ERBB4: variants seen among roughly 807,000 people sequenced by gnomAD.
The protein encoded by ERBB4 is receptor tyrosine-protein kinase erbB-4.
ERBB4 carries 42 observed loss-of-function variants against 158.0 expected under a neutral mutation model. That is an observed-to-expected ratio of 0.27 (90% CI 0.21 to 0.34). The LOEUF is 0.34. ERBB4 is among the 10% of genes least tolerant of loss of function. The pLI, the probability that ERBB4 is intolerant of heterozygous loss-of-function variation, is 1.00. For missense variants in ERBB4, 1,333 were observed against 1,624.1 expected (o/e 0.82, Z 3.08); for synonymous variants, 583 against 558.7 (o/e 1.04, Z -0.61).
Position 211,777,549 on chromosome 2 carries a change from A to G in ERBB4, c.556+10476T>C, listed in dbSNP as rs796936615. The G allele has an allele frequency of 1.1e-4, 17 of 152,228 alleles. 2 individuals are homozygous for G. The highest frequency in any genetic ancestry group is 4.1e-4 in the African/African-American group (17 of 41,520). 9.4% of individuals were successfully genotyped at this position (152,228 alleles called of 1,614,324 possible). On this transcript the variant is annotated intron_variant, in intron 4 of 27. Transcript: ENST00000342788. ...AGAAATTAGCATGGTTGACACCTATAATTCCACTAATTCTACTATCCCTAC... is the reference window on the plus strand; with the variant it reads ...AGAAATTAGCATGGTTGACACCTATGATTCCACTAATTCTACTATCCCTAC...
At chr2:211,705,223 A>T (rs2073393292) in intron 10 of ERBB4, 95 bp downstream of exon 10, 1 of 862,792 alleles carries the variant, frequency 1.2e-6, no homozygotes, top group African/African-American at 1.7e-5. Flanking sequence ...AAGTGCTGGG[A>T]TTACTGGTGT....
intron 19 of ERBB4, among the ~76,000 whole-genome samples, chr2:211,578,219 T>C (rs2067952188): frequency 6.6e-6 from 1 of 151,874 alleles, no homozygotes; most frequent in African/African-American, 2.4e-5. Context: ...ACAAACAGAA[T>C]AAAATATGTA....
intron 1 of ERBB4, among the ~76,000 whole-genome samples, chr2:212,420,926 T>C (rs1280346160): frequency 6.6e-6 from 1 of 152,150 alleles, no homozygotes; most frequent in Non-Finnish European, 1.5e-5. Flanking sequence ...ATTGTATTGA[T>C]AATGTTTTTG....
intron 2 of ERBB4, among the ~76,000 whole-genome samples, chr2:211,980,619 T>C (rs2081764011): frequency 6.6e-6 from 1 of 152,206 alleles, no homozygotes; most frequent in South Asian, 2.1e-4. Flanking sequence ...TTGTTATTTG[T>C]ACATTTTATA....
intron 14 of ERBB4, among the ~76,000 whole-genome samples, chr2:211,666,865 G>C (rs1217407491): frequency 6.6e-6 from 1 of 152,148 alleles, no homozygotes; most frequent in Non-Finnish European, 1.5e-5. Context: ...TAAGCATACA[G>C]AGAGACAATT....
At chr2:211,434,634 G>C (rs2063812555) in intron 20 of ERBB4, among the ~76,000 whole-genome samples, 1 of 152,136 alleles carries the variant, frequency 6.6e-6, no homozygotes, top group African/African-American at 2.4e-5. Flanking sequence ...AACTCTGAAA[G>C]TTTTTTGAAA....
intron 1 of ERBB4, among the ~76,000 whole-genome samples, chr2:212,338,678 G>A (rs562005355): frequency 6.6e-6 from 1 of 152,148 alleles, no homozygotes; most frequent in South Asian, 2.1e-4. Context: ...CATTTATTTA[G>A]GCATTGCATC....
At chr2:211,408,139 T>A (rs1242675360) in intron 25 of ERBB4, among the ~76,000 whole-genome samples, 1 of 152,092 alleles carries the variant, frequency 6.6e-6, no homozygotes, top group Non-Finnish European at 1.5e-5. Context: ...TTCCAAAAAA[T>A]TTGAATAGAA....
At chr2:211,967,304 T>C (rs2081334620) in intron 2 of ERBB4, among the ~76,000 whole-genome samples, 1 of 152,082 alleles carries the variant, frequency 6.6e-6, no homozygotes, top group African/African-American at 2.4e-5. Flanking sequence ...CCTTGATATG[T>C]AATAGGGAAC....
intron 1 of ERBB4, among the ~76,000 whole-genome samples, chr2:212,229,136 A>G (rs1367914236): frequency 6.6e-6 from 1 of 152,208 alleles, no homozygotes. Context: ...CAGTGTTGCA[A>G]TTAAGGAACA....
chr2:211,524,554 C>T (rs1473149941), intron 20 of ERBB4, among the ~76,000 whole-genome samples: 1 of 152,140 alleles, frequency 6.6e-6, no homozygotes, highest in Admixed American at 6.5e-5. Context: ...AGTGAGAAAT[C>T]AAGCGCAGCG....
chr2:211,632,558 T>C (rs2070183904), intron 16 of ERBB4, among the ~76,000 whole-genome samples: 1 of 152,110 alleles, frequency 6.6e-6, no homozygotes, highest in South Asian at 2.1e-4. Context: ...TTTATGTAAA[T>C]ATATGTAAAC....
At chr2:211,417,937 A>AT (rs904634313) in intron 25 of ERBB4, among the ~76,000 whole-genome samples, 4 of 152,184 alleles carry the variant, frequency 2.6e-5, no homozygotes, top group African/African-American at 4.8e-5. Flanking sequence ...ATACTCTGCA[A>AT]TTTTTTAAAG....
chr2:212,003,148 G>GGAAGGAAGGAAGGAAGGAAGGAAGGAAA (rs2076153427), intron 2 of ERBB4, among the ~76,000 whole-genome samples: 1 of 15,196 alleles, frequency 6.6e-5, no homozygotes, highest in Admixed American at 1.0e-3. Flanking sequence ...AAGGAAGGAA[G>GGAAGGAAGGAAGGAAGGAAGGAAGGAAA]GAAAGAAAGA....
intron 20 of ERBB4, among the ~76,000 whole-genome samples, chr2:211,512,510 A>T (rs1037892347): frequency 6.6e-6 from 1 of 152,072 alleles, no homozygotes; most frequent in African/African-American, 2.4e-5. Context: ...TTTATATTAG[A>T]AATCACTATT....
intron 1 of ERBB4, among the ~76,000 whole-genome samples, chr2:212,241,990 A>C (rs1164411169): frequency 2.6e-5 from 4 of 152,032 alleles, no homozygotes; most frequent in Non-Finnish European, 5.9e-5. Flanking sequence ...AAAAAAATTC[A>C]AATATGATTT....
intron 1 of ERBB4, among the ~76,000 whole-genome samples, chr2:212,280,527 A>G (rs1357173479): frequency 6.6e-6 from 1 of 151,748 alleles, no homozygotes; most frequent in Non-Finnish European, 1.5e-5. Flanking sequence ...ATACAAATTA[A>G]GCCAAATTTG....
chr2:211,898,483 A>T (rs1367676751), intron 3 of ERBB4, among the ~76,000 whole-genome samples: 1 of 152,194 alleles, frequency 6.6e-6, no homozygotes, highest in African/African-American at 2.4e-5. Flanking sequence ...TAAGGTTACT[A>T]TGTATCTGAC....
intron 2 of ERBB4, among the ~76,000 whole-genome samples, chr2:211,962,607 G>T (rs1339528524): frequency 6.6e-6 from 1 of 152,068 alleles, no homozygotes; most frequent in East Asian, 1.9e-4. Context: ...TTAGTTGCAG[G>T]GTAAAAATGG....
Sources: allele counts gnomAD v4.1 joint callset (sites outside exome capture counted in the v4.1 genomes callset), GRCh38; gene constraint gnomAD v4.1.1; transcripts MANE v1.5; gene names NCBI Gene and HGNC (gene_info 2026-07-23, HGNC 2026-07-21).